SRBD1: variants seen among roughly 807,000 people sequenced by gnomAD.
The protein encoded by SRBD1 is S1 RNA-binding domain-containing protein 1.
A neutral mutation model predicts 115.3 loss-of-function variants in SRBD1; 88 were observed. The ratio of observed to expected loss-of-function variants is 0.76; its 90% confidence interval spans 0.64 to 0.91. The LOEUF is 0.91. SRBD1 is among the 40% of genes least tolerant of loss of function. SRBD1 has a pLI of 0.00. For synonymous variants in SRBD1, 509 were observed against 407.7 expected, an observed-to-expected ratio of 1.25 and a Z score of -2.99; for missense variants, 1,385 against 1,177.4, an observed-to-expected ratio of 1.18 and a Z score of -2.58.
At chr2:45,567,743 T>C (rs1024320465) in intron 9 of SRBD1, among the ~76,000 whole-genome samples, 5 of 152,254 alleles carry the variant, frequency 3.3e-5, no homozygotes, top group Admixed American at 6.5e-5. Context: ...GTATTTGCTA[T>C]AGGCTGTGCC....
At chr2:45,393,154 C>G (rs540774238) in intron 19 of SRBD1, 25 bp from the exon 20 acceptor site, 1 of 1,572,154 alleles carries the variant, frequency 6.4e-7, no homozygotes, top group East Asian at 2.2e-5. Flanking sequence ...ATAAAAAGCG[C>G]AACACTTAAC....
chr2:45,583,554 T>C (rs561184966), intron 5 of SRBD1, among the ~76,000 whole-genome samples: 1 of 152,322 alleles, frequency 6.6e-6, no homozygotes, highest in African/African-American at 2.4e-5. Flanking sequence ...TGCTACATAA[T>C]TGAAACATTT....
intron 19 of SRBD1, among the ~76,000 whole-genome samples, chr2:45,400,360 A>C (rs945602278): frequency 6.6e-6 from 1 of 152,082 alleles, no homozygotes; most frequent in East Asian, 1.9e-4. Flanking sequence ...AAAAAGGAGA[A>C]GGACAGGCAA....
rs962239074 is a variant in SRBD1, at chr2:45,410,831, A to C, written c.2513+2283T>G. ...TTCCAATGAGCTTCTAGATAGCTCA[A>C]CACCTGGAGGTTCCTAGAGGGTAGT... is the stretch of plus-strand genomic sequence containing the variant. On this transcript the variant is annotated intron_variant, in intron 19 of 20. Coordinates refer to ENST00000263736, the MANE Select transcript of SRBD1 (RefSeq NM_018079.5). Among the ~76,000 whole-genome samples, 9 of 152,232 alleles carry C rather than the reference A, an allele frequency of 5.9e-5. 1 individual carries two copies. Among genetic ancestry groups the C allele is most frequent in the African/African-American group, 2.2e-4 (9 of 41,458 alleles).
At chr2:45,544,929 G>C (rs1461444453) in intron 14 of SRBD1, among the ~76,000 whole-genome samples, 1 of 152,146 alleles carries the variant, frequency 6.6e-6, no homozygotes, top group African/African-American at 2.4e-5. Flanking sequence ...ATGAAGGAAA[G>C]TGAAGCTAAG....
chr2:45,413,635 G>C (rs565793527), intron 18 of SRBD1, among the ~76,000 whole-genome samples: 1 of 152,180 alleles, frequency 6.6e-6, no homozygotes, highest in South Asian at 2.1e-4. Flanking sequence ...AATAGAAAAA[G>C]ACTCATACTT....
chr2:45,405,902 G>A (rs926319089), intron 19 of SRBD1, among the ~76,000 whole-genome samples: 1 of 152,062 alleles, frequency 6.6e-6, no homozygotes, highest in African/African-American at 2.4e-5. Context: ...AGGAGTGATG[G>A]GTTAGAAGGT....
intron 19 of SRBD1, among the ~76,000 whole-genome samples, chr2:45,402,627 T>A (rs74816402): frequency 1.3e-5 from 2 of 152,192 alleles, no homozygotes; most frequent in African/African-American, 4.8e-5. Flanking sequence ...TAACAAATAC[T>A]AGCTAATGCT....
chr2:45,432,179 G>A (rs886288658), intron 16 of SRBD1, among the ~76,000 whole-genome samples: 11 of 152,090 alleles, frequency 7.2e-5, no homozygotes, highest in African/African-American at 2.2e-4. Context: ...ACAGGCATGT[G>A]CCACCACGCG....
chr2:45,458,869 T>A (rs1302915427), intron 16 of SRBD1, among the ~76,000 whole-genome samples: 4 of 152,162 alleles, frequency 2.6e-5, no homozygotes, highest in Non-Finnish European at 4.4e-5. Flanking sequence ...CACTAATTTT[T>A]TATGTAAACT....
rs10611144 is a variant in SRBD1, at chr2:45,443,805, G to GAA, written c.2050-23913_2050-23912dup. 2.7e-3 allele frequency among the ~76,000 whole-genome samples: 350 copies of GAA among 130,660 alleles called. 4 individuals carry two copies. Among genetic ancestry groups the GAA allele is most frequent in the East Asian group, 6.8e-3 (28 of 4,138 alleles). 85.7% of individuals were successfully genotyped at this position (130,660 alleles called of 152,430 possible). On this transcript the variant is annotated intron_variant, in intron 16 of 20. Transcript: ENST00000263736. ...ATGCAAATAGTTCTGAAGTTATTTT[G>GAA]AAAAAAAAAAAAAAAAAGAGGTGAT...
chr2:45,562,432 C>T (rs542979833), intron 10 of SRBD1, among the ~76,000 whole-genome samples: 313 of 152,232 alleles, frequency 2.1e-3, no homozygotes, highest in Non-Finnish European at 3.0e-3. Context: ...CAGGGTTTCA[C>T]CATCTTGGCC....
intron 19 of SRBD1, among the ~76,000 whole-genome samples, chr2:45,407,834 C>A (rs922872196): frequency 6.6e-6 from 1 of 151,846 alleles, no homozygotes; most frequent in Non-Finnish European, 1.5e-5. Flanking sequence ...TAACAAAGGG[C>A]TTTAATATTC....
At chr2:45,480,102 A>G (rs1162889366) in intron 15 of SRBD1, among the ~76,000 whole-genome samples, 1 of 152,174 alleles carries the variant, frequency 6.6e-6, no homozygotes, top group Non-Finnish European at 1.5e-5. Context: ...ATTCCCTTCA[A>G]AATATTAGTG....
chr2:45,544,409 G>A (rs1342754054), intron 14 of SRBD1, among the ~76,000 whole-genome samples: 1 of 152,142 alleles, frequency 6.6e-6, no homozygotes, highest in Non-Finnish European at 1.5e-5. Context: ...TTCCAAAGAT[G>A]AAGATGCTAA....
chr2:45,503,878 T>C (rs1453280810), intron 14 of SRBD1, among the ~76,000 whole-genome samples: 3 of 152,142 alleles, frequency 2.0e-5, no homozygotes, highest in Admixed American at 6.5e-5. Flanking sequence ...ATATATTCTG[T>C]AATTCTATGG....
At chr2:45,549,370 T>C (rs2104044650) in intron 12 of SRBD1, among the ~76,000 whole-genome samples, 1 of 151,448 alleles carries the variant, frequency 6.6e-6, no homozygotes, top group East Asian at 1.9e-4. Flanking sequence ...ACAACTTGCC[T>C]GACCCAGCTT....
chr2:45,426,351 C>A (rs1668154735), intron 16 of SRBD1, among the ~76,000 whole-genome samples: 1 of 152,230 alleles, frequency 6.6e-6, no homozygotes, highest in African/African-American at 2.4e-5. Flanking sequence ...CAGGCCCAGT[C>A]AGGGGCTTAT....
chr2:45,595,722 T>C (rs1195139483), intron 4 of SRBD1, among the ~76,000 whole-genome samples: 1 of 152,206 alleles, frequency 6.6e-6, no homozygotes, highest in Non-Finnish European at 1.5e-5. Context: ...GAAATCCACA[T>C]ATACCACAAT....
Sources: allele counts gnomAD v4.1 joint callset (sites outside exome capture counted in the v4.1 genomes callset), GRCh38; gene constraint gnomAD v4.1.1; transcripts MANE v1.5; gene names NCBI Gene and HGNC (gene_info 2026-07-23, HGNC 2026-07-21).